The following GRID2 variants were observed in gnomAD, a reference collection of about 807,000 sequenced individuals.
GRID2 encodes the protein glutamate receptor ionotropic, delta-2.
GRID2 carries 33 observed loss-of-function variants against 114.8 expected under a neutral mutation model. The ratio of observed to expected loss-of-function variants is 0.29; its 90% confidence interval spans 0.22 to 0.38. The LOEUF is 0.38. Among genes scored for constraint, GRID2 ranks in the 10% least tolerant of loss-of-function variants. The pLI, the probability that GRID2 is intolerant of heterozygous loss-of-function variation, is 1.00. For synonymous variants in GRID2, 505 were observed against 449.9 expected (o/e 1.12, Z -1.55); for missense variants, 1,184 against 1,257.7 (o/e 0.94, Z 0.89).
chr4:93,753,590 G>A (rs1334962109), intron 14 of GRID2, among the ~76,000 whole-genome samples: 4 of 152,212 alleles, frequency 2.6e-5, no homozygotes, highest in East Asian at 1.9e-4. Context: ...GAGAACATGC[G>A]GTGTTTGGTT....
chr4:92,393,529 T>G (rs897080532), intron 1 of GRID2, among the ~76,000 whole-genome samples: 2 of 152,192 alleles, frequency 1.3e-5, no homozygotes, highest in Non-Finnish European at 2.9e-5. Flanking sequence ...AATAGTCTTA[T>G]ATGTACTTAT....
intron 14 of GRID2, among the ~76,000 whole-genome samples, chr4:93,752,738 C>A (rs1330702892): frequency 1.3e-5 from 2 of 152,180 alleles, no homozygotes; most frequent in African/African-American, 4.8e-5. Context: ...ATTTTCCCTG[C>A]TTAAAATTTC....
intron 2 of GRID2, among the ~76,000 whole-genome samples, chr4:93,061,832 A>C (rs1318186482): frequency 6.6e-6 from 1 of 152,098 alleles, no homozygotes; most frequent in Non-Finnish European, 1.5e-5. Context: ...TGGCTACCAC[A>C]TTGAGGTAGA....
At position 92,502,170 on chromosome 4, in the gene GRID2, AT is replaced by A. The variant is rs1384192973; in HGVS notation, c.89-87954del. Among the ~76,000 whole-genome samples the A allele has an allele frequency of 3.3e-5, 5 of 152,194 alleles. No homozygotes were observed. In the East Asian group the frequency reaches 5.8e-4, roughly 18 times the overall value. On this transcript the variant is annotated intron_variant, in intron 1 of 15. Transcript: ENST00000282020. ...TACCACAAAGTGAGCAAGTATTTTA[AT>A]TTTTTTAACATATATTTCTATTGCA...
At chr4:92,397,905 CT>C (rs1243085250) in intron 1 of GRID2, among the ~76,000 whole-genome samples, 11 of 151,626 alleles carry the variant, frequency 7.3e-5, no homozygotes, top group African/African-American at 2.7e-4. Flanking sequence ...ACTATACCTA[CT>C]CCAAGTTAAT....
intron 13 of GRID2, among the ~76,000 whole-genome samples, chr4:93,550,864 A>C (rs566091555): frequency 6.6e-6 from 1 of 152,278 alleles, no homozygotes; most frequent in Admixed American, 6.5e-5. Context: ...TTAGTGTAGT[A>C]ATTTTTTCAA....
At chr4:92,943,133 G>C (rs1435295709) in intron 2 of GRID2, among the ~76,000 whole-genome samples, 2 of 152,178 alleles carry the variant, frequency 1.3e-5, no homozygotes, top group African/African-American at 4.8e-5. Context: ...CTAGATTGAG[G>C]AAGTTCTCCT....
rs1578220136 is a variant in GRID2 at position 93,541,145 on chromosome 4, A to T, written c.2193+25734A>T. ...CAGCCTAACTCAGTGAAATTGAAGT[A>T]TATTAGATTTTAAAAGGCAGAAGGA... On this transcript the variant is annotated intron_variant, in intron 13 of 15. Transcript: ENST00000282020. Among the ~76,000 whole-genome samples, 5 of 152,278 alleles carry T rather than the reference A, an allele frequency of 3.3e-5. No individual in the cohort carries two copies. The South Asian group carries it at 1.0e-3, about 32-fold the overall frequency.
chr4:93,654,864 G>T (rs1374152053), intron 14 of GRID2, among the ~76,000 whole-genome samples: 1 of 152,094 alleles, frequency 6.6e-6, no homozygotes, highest in African/African-American at 2.4e-5. Flanking sequence ...GCTAATGGAT[G>T]CTGTCATTGA....
chr4:93,370,852 A>C (rs1352380255), intron 8 of GRID2, among the ~76,000 whole-genome samples: 1 of 152,116 alleles, frequency 6.6e-6, no homozygotes, highest in Non-Finnish European at 1.5e-5. Flanking sequence ...TACATCTCCT[A>C]GTTGTTTGCA....
intron 1 of GRID2, among the ~76,000 whole-genome samples, chr4:92,365,013 G>A (rs1728784335): frequency 1.3e-5 from 2 of 152,008 alleles, no homozygotes; most frequent in South Asian, 4.1e-4. Flanking sequence ...AAATAATGTG[G>A]AGAGAATGGA....
intron 2 of GRID2, among the ~76,000 whole-genome samples, chr4:92,875,728 C>T (rs1052910151): frequency 6.6e-6 from 1 of 152,024 alleles, no homozygotes; most frequent in African/African-American, 2.4e-5. Context: ...GAACTGAGAT[C>T]CAGAGAAATA....
intron 7 of GRID2, among the ~76,000 whole-genome samples, chr4:93,227,393 AATTTTTT>A (rs2149495541): frequency 6.6e-6 from 1 of 151,922 alleles, no homozygotes; most frequent in Admixed American, 6.6e-5. Flanking sequence ...ACACCTGGCT[AATTTTTT>A]GTATTTTTAG....
chr4:93,629,751 G>T (rs1319788339), intron 14 of GRID2, among the ~76,000 whole-genome samples: 1 of 151,744 alleles, frequency 6.6e-6, no homozygotes, highest in African/African-American at 2.4e-5. Flanking sequence ...AAAATATTAA[G>T]TTACTTTAAT....
Position 93,060,077 on chromosome 4 carries a change from G to A in GRID2, c.245-24918G>A, listed in dbSNP as rs957116788. On this transcript the variant is annotated intron_variant, in intron 2 of 15. Transcript: ENST00000282020. The stretch of plus-strand genomic sequence containing the variant: ...AACAAAAAGTTTATGTTTAGTCAAA[G>A]CTCAGCTAGATATTTTCATGGAGAG... Among the ~76,000 whole-genome samples the A allele has an allele frequency of 4.6e-5, 7 of 151,878 alleles. No individual in the cohort carries two copies. In the South Asian group the frequency reaches 1.5e-3, roughly 32 times the overall value.
At chr4:92,812,463 A>G (rs574372103) in intron 2 of GRID2, among the ~76,000 whole-genome samples, 15 of 152,192 alleles carry the variant, frequency 9.9e-5, no homozygotes, top group African/African-American at 2.6e-4. Flanking sequence ...AAAAATTACA[A>G]TCAACACATG....
chr4:93,216,753 G>A lies in GRID2; in HGVS notation c.805G>A (p.Asp269Asn). ...IIINEEINDV[D>N]VQELVRRSIG... is the part of the protein sequence containing the mutation. ...TATCTTATAGGAAATAAACGATGTG[G>A]ACGTACAGGAACTTGTAAGAAGGTC... Residue 269 changes from aspartate (D) to asparagine (N), a missense_variant, in exon 6 of 16, where the codon GAC becomes AAC. Asp to Asn is a conservative substitution (Grantham distance 23). Coordinates refer to ENST00000282020, the MANE Select transcript of GRID2 (RefSeq NM_001510.4). 3 of 1,608,774 alleles carry A rather than the reference G, an allele frequency of 1.9e-6. No homozygotes were observed. The highest frequency in any genetic ancestry group is 1.7e-6 in the Non-Finnish European group (2 of 1,175,468).
At chr4:92,326,747 G>A (rs990165290) in intron 1 of GRID2, among the ~76,000 whole-genome samples, 1 of 151,920 alleles carries the variant, frequency 6.6e-6, no homozygotes, top group African/African-American at 2.4e-5. Flanking sequence ...ATTTTGCAGA[G>A]GAGATAAAGG....
chr4:93,423,460 G>A (rs1462005300), intron 10 of GRID2, among the ~76,000 whole-genome samples: 1 of 141,812 alleles, frequency 7.1e-6, no homozygotes, highest in Admixed American at 7.7e-5. Flanking sequence ...CCATTCTCCT[G>A]CCTCAGCCTC....
Sources: gnomAD v4.1 joint callset for allele counts (sites outside exome capture counted in the v4.1 genomes callset) on GRCh38, gnomAD v4.1.1 for gene constraint, MANE v1.5 for transcripts, NCBI Gene and HGNC (gene_info 2026-07-23, HGNC 2026-07-21) for gene names.